Variants in PTGR1 observed in about 807,000 individuals in gnomAD.
The protein encoded by PTGR1 is prostaglandin reductase 1, also known as 15-oxoprostaglandin 13-reductase.
Under a neutral mutation model 37.7 loss-of-function variants are expected in PTGR1, and 23 were observed. The observed-to-expected ratio is 0.61, with a 90% CI of 0.44 to 0.86. The LOEUF is 0.86. Among genes scored for constraint, PTGR1 ranks in the 40% least tolerant of loss-of-function variants. PTGR1 has a pLI of 0.00. For missense variants in PTGR1, 351 were observed against 394.3 expected (o/e 0.89, Z 0.93); for synonymous variants, 134 against 140.0 (o/e 0.96, Z 0.30).
Position 111,573,224 on chromosome 9 carries a change from T to A in PTGR1, c.760+1510A>T, listed in dbSNP as rs72748045. On this transcript the variant is annotated intron_variant, in intron 8 of 9. Coordinates refer to ENST00000407693, the MANE Select transcript of PTGR1 (RefSeq NM_001146108.2). The stretch of plus-strand genomic sequence containing the variant: ...AAAGGCCTCCTGCAGCTTTGCTCAG[T>A]TGGCAGGCAGACAATTTCCCATGAT... Among the ~76,000 whole-genome samples the A allele has an allele frequency of 7.3e-3, 1,115 of 152,294 alleles. 8 individuals are homozygous for A. Among genetic ancestry groups the A allele is most frequent in the Non-Finnish European group, 0.012 (828 of 68,022 alleles).
rs117548172 is a variant in PTGR1, at chr9:111,569,211, C to T, written c.879+880G>A. On this transcript the variant is annotated intron_variant, in intron 9 of 9. Transcript: ENST00000407693. ...GAACTCCCAGCATACTGAGCCCAGACGAGCTAACTAAGGGATAGCTCAAGC... is the reference window on the plus strand; with the variant it reads ...GAACTCCCAGCATACTGAGCCCAGATGAGCTAACTAAGGGATAGCTCAAGC... Among the ~76,000 whole-genome samples, 158 of 152,214 alleles carry T rather than the reference C, an allele frequency of 1.0e-3. 1 individual carries two copies. The highest frequency in any genetic ancestry group is 8.9e-3 in the East Asian group (46 of 5,186).
At chr9:111,570,004 G>A in intron 9 of PTGR1, 87 bp downstream of exon 9, 3 of 1,581,742 alleles carry the variant, frequency 1.9e-6, no homozygotes, top group Non-Finnish European at 2.6e-6. Flanking sequence ...GCAGAGATGG[G>A]GAAGAATTGG....
chr9:111,563,639 G>A (rs562138880), intron 9 of PTGR1: 92 of 157,442 alleles, frequency 5.8e-4, no homozygotes, highest in Admixed American at 1.4e-3. Context: ...CCGACTAGCT[G>A]GGACTACAGG....
At chr9:111,575,716 C>T (rs1829025949) in intron 7 of PTGR1, among the ~76,000 whole-genome samples, 1 of 152,130 alleles carries the variant, frequency 6.6e-6, no homozygotes, top group East Asian at 1.9e-4. Context: ...GCAATTGGGC[C>T]TCTTCCTTAT....
chr9:111,582,716 C>G (rs1829319956), intron 6 of PTGR1, among the ~76,000 whole-genome samples: 1 of 152,186 alleles, frequency 6.6e-6, no homozygotes, highest in South Asian at 2.1e-4. Flanking sequence ...TCTATGGTAG[C>G]CTCACATTTG....
intron 9 of PTGR1, among the ~76,000 whole-genome samples, chr9:111,553,632 C>T (rs779718521): frequency 3.9e-5 from 6 of 152,148 alleles, no homozygotes; most frequent in Non-Finnish European, 5.9e-5. Context: ...TGATAATGCA[C>T]GTTCCTGTAC....
Position 111,586,157 on chromosome 9 carries a change from TC to T in PTGR1, c.217del (p.Glu73LysfsTer5). 1 of 1,613,990 alleles carries T rather than the reference TC, an allele frequency of 6.2e-7. No individual in the cohort carries two copies. On this transcript the variant is annotated frameshift_variant, in exon 5 of 10. Coordinates refer to ENST00000407693, the MANE Select transcript of PTGR1 (RefSeq NM_001146108.2). LOFTEE classifies it high-confidence loss of function. ...MMGQQVAKVV[E>X]SKNVALPKGT... ...TTTTGGTAGGGCTACATTTTTACTT[TC>T]CACAACTCTGAAAGATAAAGCACAT... is the stretch of plus-strand genomic sequence containing the variant.
At chr9:111,582,847 C>T (rs1829323337) in intron 6 of PTGR1, among the ~76,000 whole-genome samples, 1 of 152,222 alleles carries the variant, frequency 6.6e-6, no homozygotes, top group Non-Finnish European at 1.5e-5. Flanking sequence ...AATCCTGCAT[C>T]CCAGCCTTGG....
At chr9:111,552,977 A>G (rs1278421377) in intron 9 of PTGR1, among the ~76,000 whole-genome samples, 3 of 152,168 alleles carry the variant, frequency 2.0e-5, no homozygotes, top group Non-Finnish European at 2.9e-5. Context: ...TTCTTTGTAG[A>G]TGCATGTGTA....
chr9:111,556,267 C>T (rs1440504761), intron 9 of PTGR1, among the ~76,000 whole-genome samples: 2 of 152,242 alleles, frequency 1.3e-5, no homozygotes, highest in Admixed American at 6.5e-5. Context: ...CACCTCTGCC[C>T]CTGTTACTCT....
downstream of PTGR1, among the ~76,000 whole-genome samples, chr9:111,561,148 G>GAGAGAGAGA (rs1267075709): frequency 2.9e-5 from 1 of 34,838 alleles, no homozygotes; most frequent in Non-Finnish European, 4.9e-5. Context: ...GGAGAGAGAG[G>GAGAGAGAGA]GAGAGAGAGA....
Position 111,584,532 on chromosome 9 carries a change from C to T in PTGR1, c.378-943G>A, listed in dbSNP as rs1829374050. The stretch of plus-strand genomic sequence containing the variant: ...CTGAGTGAAATATGAATTTGGGGTA[C>T]ATAGGAGTTGTTTTTGTTTAGAGGT... On this transcript the variant is annotated intron_variant, in intron 5 of 9. Transcript: ENST00000407693. Among the ~76,000 whole-genome samples, 4 of 151,812 alleles carry T rather than the reference C, an allele frequency of 2.6e-5. No individual in the cohort carries two copies. In the South Asian group the frequency reaches 8.3e-4, roughly 32 times the overall value.
rs909232142 is a variant in PTGR1, at chr9:111,591,345, T to C, written c.209+1581A>G. Among the ~76,000 whole-genome samples, 19 of 150,990 alleles carry C rather than the reference T, an allele frequency of 1.3e-4. 1 individual carries two copies. The South Asian group carries it at 3.3e-3, about 27-fold the overall frequency. On this transcript the variant is annotated intron_variant, in intron 4 of 9. Coordinates refer to ENST00000407693, the MANE Select transcript of PTGR1 (RefSeq NM_001146108.2). ...AAAATGAAATTTATTTATAAAAGTA[T>C]GTACACTGGACAATTTTTCTTTTTC...
chr9:111,590,153 T>A (rs1009632161), intron 4 of PTGR1, among the ~76,000 whole-genome samples: 8 of 152,026 alleles, frequency 5.3e-5, no homozygotes, highest in African/African-American at 1.9e-4. Context: ...TGATAAGACC[T>A]AAAGGAAAAG....
chr9:111,569,230 C>G (rs1008018030), intron 9 of PTGR1, among the ~76,000 whole-genome samples: 3 of 152,104 alleles, frequency 2.0e-5, no homozygotes, highest in Non-Finnish European at 2.9e-5. Flanking sequence ...TAAGGGATAG[C>G]TCAAGCGTAG....
At chr9:111,598,318 A>G (rs536843338) in intron 1 of PTGR1, among the ~76,000 whole-genome samples, 2 of 152,174 alleles carry the variant, frequency 1.3e-5, no homozygotes, top group East Asian at 3.9e-4. Context: ...CCGCGGGTGC[A>G]TCCGCTACAA....
chr9:111,586,782 A>ACTCTCT lies in PTGR1; in HGVS notation c.210-623_210-618dup, dbSNP rs35858814. 3.2e-3 allele frequency among the ~76,000 whole-genome samples: 431 copies of ACTCTCT among 136,222 alleles called. 3 individuals carry two copies. Among genetic ancestry groups the ACTCTCT allele is most frequent in the African/African-American group, 0.01 (365 of 36,236 alleles). 89.4% of individuals were successfully genotyped at this position (136,222 alleles called of 152,430 possible). Reference sequence around the variant, plus strand: ...AATCATTGTCTGATTTTACTTTTCCACTCTCTCTCTCTCTCTCTCTCTATA... The same window carrying ACTCTCT: ...AATCATTGTCTGATTTTACTTTTCCACTCTCTCTCTCTCTCTCTCTCTCTCTCTATA... On this transcript the variant is annotated intron_variant, in intron 4 of 9. Coordinates refer to ENST00000407693, the MANE Select transcript of PTGR1 (RefSeq NM_001146108.2).
Position 111,592,984 on chromosome 9 carries a change from TGCAAAAAAAAAAA to T in PTGR1, c.153-15_153-3del. On this transcript the variant is annotated splice_polypyrimidine_tract_variant and splice_region_variant and intron_variant, in intron 3 of 9. Coordinates refer to ENST00000407693, the MANE Select transcript of PTGR1 (RefSeq NM_001146108.2). The stretch of plus-strand genomic sequence containing the variant: ...TCCTTCAATCTTTTGGCTGCCACTC[TGCAAAAAAAAAAA>T]AAAAAAAAAAAAAAAAAAAATAGGT... 1 of 741,540 alleles carries T rather than the reference TGCAAAAAAAAAAA, an allele frequency of 1.3e-6. No individual in the cohort carries two copies. 45.9% of individuals were successfully genotyped at this position (741,540 alleles called of 1,614,324 possible). A position where few individuals can be genotyped will look rare whatever the true frequency, so the allele number is the denominator to read the frequency against.
chr9:111,579,043 AG>A lies in PTGR1; in HGVS notation c.496-93del, dbSNP rs1411386831. Reference sequence around the variant, plus strand: ...CTGGTCTCGTATGCCTAGGTTCCCTAGGAACACTCTCTTAGGTGCTGAGCCA... The same window carrying A: ...CTGGTCTCGTATGCCTAGGTTCCCTAGAACACTCTCTTAGGTGCTGAGCCA... On this transcript the variant is annotated intron_variant, in intron 6 of 9. Coordinates refer to ENST00000407693, the MANE Select transcript of PTGR1 (RefSeq NM_001146108.2). The A allele has an allele frequency of 4.7e-6, 6 of 1,267,142 alleles. No individual in the cohort carries two copies. In the East Asian group the frequency reaches 1.0e-4, roughly 21 times the overall value. The allele number at this position is 1,267,142 out of a possible 1,614,324, so 78.5% of individuals were successfully genotyped here.
Sources: gnomAD v4.1 joint callset for allele counts (sites outside exome capture counted in the v4.1 genomes callset) on GRCh38, gnomAD v4.1.1 for gene constraint, MANE v1.5 for transcripts, NCBI Gene and HGNC (gene_info 2026-07-23, HGNC 2026-07-21) for gene names.